The following SLC17A5 variants were observed in gnomAD, a reference collection of about 807,000 sequenced individuals.
SLC17A5 encodes the protein solute carrier family 17 member 5.
SLC17A5 carries 47 observed loss-of-function variants against 59.4 expected under a neutral mutation model. The ratio of observed to expected loss-of-function variants is 0.79; its 90% CI spans 0.63 to 1.01. The LOEUF is 1.01. SLC17A5 is among the 50% of genes least tolerant of loss of function. The probability of loss-of-function intolerance (pLI) is 0.00; values close to 1 mark genes in which losing one functional copy is unlikely to be tolerated. For missense variants in SLC17A5, 522 were observed against 595.5 expected, an observed-to-expected ratio of 0.88 and a Z score of 1.28; for synonymous variants, 202 against 210.7, an observed-to-expected ratio of 0.96 and a Z score of 0.36.
chr6:73,625,791 C>T (rs1228017540), intron 6 of SLC17A5, among the ~76,000 whole-genome samples: 1 of 152,104 alleles, frequency 6.6e-6, no homozygotes, highest in East Asian at 1.9e-4. Context: ...AACACTGAGA[C>T]CAAGGTCACA....
rs1769291251 is a variant in SLC17A5 at position 73,641,682 on chromosome 6, G to C, written c.525+9C>G. 6.3e-7 allele frequency: 1 copy of C among 1,576,808 alleles called. No homozygotes were observed. The highest frequency in any genetic ancestry group is 8.7e-7 in the Non-Finnish European group (1 of 1,153,098). On this transcript the variant is annotated intron_variant, in intron 3 of 10. Transcript: ENST00000355773. ...GTAAGAAGTAAAACAAGAGAGAAAA[G>C]AAAATTACCTCTCCTAGTCCTTCTA... is the stretch of plus-strand genomic sequence containing the variant.
At chr6:73,597,742 C>T (rs1252636508) in intron 10 of SLC17A5, among the ~76,000 whole-genome samples, 1 of 150,594 alleles carries the variant, frequency 6.6e-6, no homozygotes, top group African/African-American at 2.4e-5. Flanking sequence ...GCCATGATTG[C>T]GCCACTGCAC....
chr6:73,625,652 A>G (rs1768374573), intron 6 of SLC17A5, among the ~76,000 whole-genome samples: 1 of 147,148 alleles, frequency 6.8e-6, no homozygotes, highest in Non-Finnish European at 1.5e-5. Flanking sequence ...AAACAAAAAC[A>G]AGTAAGGCAA....
intron 6 of SLC17A5, among the ~76,000 whole-genome samples, chr6:73,625,308 T>TG (rs1280395388): frequency 4.6e-5 from 7 of 152,126 alleles, no homozygotes; most frequent in African/African-American, 7.2e-5. Context: ...TGCCTCAGCC[T>TG]CCCGAGTAGC....
At chr6:73,619,636 T>G (rs2150096760) in intron 7 of SLC17A5, among the ~76,000 whole-genome samples, 1 of 148,364 alleles carries the variant, frequency 6.7e-6, no homozygotes, top group Admixed American at 6.7e-5. Flanking sequence ...TAGAATTATT[T>G]TCAAACTCTA....
chr6:73,602,729 C>T (rs12212380), intron 9 of SLC17A5, among the ~76,000 whole-genome samples: 2 of 149,580 alleles, frequency 1.3e-5, no homozygotes, highest in Non-Finnish European at 3.0e-5. Flanking sequence ...GAGCAGAGAT[C>T]GCGCCACTGC....
intron 8 of SLC17A5, among the ~76,000 whole-genome samples, chr6:73,614,764 C>T (rs1480870701): frequency 2.6e-5 from 4 of 152,172 alleles, no homozygotes; most frequent in Non-Finnish European, 5.9e-5. Context: ...GGTGGTGTTC[C>T]AGGAGAGGGC....
rs1027607225 is a variant in SLC17A5 at position 73,597,800 on chromosome 6, C to G, written c.1350+2551G>C. 5.1e-4 allele frequency among the ~76,000 whole-genome samples: 78 copies of G among 151,842 alleles called. 1 individual carries two copies. Among genetic ancestry groups the G allele is most frequent in the Non-Finnish European group, 1.1e-3 (73 of 67,952 alleles). ...CTGTCTCAAAAAACAAAGAAACAAA[C>G]AAACAAACAAAAAACCCAAACAAAC... On this transcript the variant is annotated intron_variant, in intron 10 of 10. Coordinates refer to ENST00000355773, the MANE Select transcript of SLC17A5 (RefSeq NM_012434.5).
At chr6:73,603,804 A>C (rs1581957799) in intron 9 of SLC17A5, among the ~76,000 whole-genome samples, 3 of 152,106 alleles carry the variant, frequency 2.0e-5, no homozygotes, top group Admixed American at 2.0e-4. Flanking sequence ...CTTAGGTATC[A>C]TTTCACATAA....
At chr6:73,646,663 A>G (rs1769581720) in intron 1 of SLC17A5, among the ~76,000 whole-genome samples, 1 of 150,792 alleles carries the variant, frequency 6.6e-6, no homozygotes, top group African/African-American at 2.5e-5. Context: ...AAAAAAACAC[A>G]TTTTCTTTTT....
chr6:73,639,487 A>G (rs867475145), intron 3 of SLC17A5, among the ~76,000 whole-genome samples: 1 of 152,240 alleles, frequency 6.6e-6, no homozygotes, highest in Admixed American at 6.5e-5. Context: ...TTGCAAATCA[A>G]TAAGAATCTA....
intron 8 of SLC17A5, among the ~76,000 whole-genome samples, chr6:73,610,810 G>A (rs947802584): frequency 1.8e-4 from 27 of 152,320 alleles, no homozygotes; most frequent in African/African-American, 6.0e-4. Context: ...ATTCCATGGT[G>A]TTAGAGAAGA....
At chr6:73,608,976 C>T (rs1268667918) in intron 9 of SLC17A5, among the ~76,000 whole-genome samples, 3 of 152,238 alleles carry the variant, frequency 2.0e-5, no homozygotes, top group African/African-American at 7.2e-5. Context: ...ACTACAGTGG[C>T]GTCACTGCAC....
intron 7 of SLC17A5, among the ~76,000 whole-genome samples, chr6:73,621,000 A>ATTTTTTATTATT (rs35762085): frequency 2.7e-3 from 400 of 150,298 alleles, no homozygotes; most frequent in Admixed American, 3.5e-3. Flanking sequence ...TGCTGGGATT[A>ATTTTTTATTATT]ATTATTATTA....
chr6:73,611,272 G>A (rs1267651456), intron 8 of SLC17A5, among the ~76,000 whole-genome samples: 2 of 152,006 alleles, frequency 1.3e-5, no homozygotes, highest in African/African-American at 2.4e-5. Flanking sequence ...TAAAATCTCT[G>A]TCTTCATTCT....
Position 73,641,687 on chromosome 6 carries a change from T to C in SLC17A5, c.525+4A>G, listed in dbSNP as rs747192705. 3.8e-6 allele frequency: 6 copies of C among 1,585,240 alleles called. No homozygotes were observed. Among genetic ancestry groups the C allele is most frequent in the African/African-American group, 2.7e-5 (2 of 74,012 alleles). ...AAGTAAAACAAGAGAGAAAAGAAAA[T>C]TACCTCTCCTAGTCCTTCTAGTGCT... On this transcript the variant is annotated splice_donor_region_variant and intron_variant, in intron 3 of 10. Coordinates refer to ENST00000355773, the MANE Select transcript of SLC17A5 (RefSeq NM_012434.5).
chr6:73,619,860 T>C (rs1282756311), intron 7 of SLC17A5, among the ~76,000 whole-genome samples: 1 of 151,870 alleles, frequency 6.6e-6, no homozygotes, highest in Admixed American at 6.6e-5. Context: ...ATCAGTGTAG[T>C]AATCTTTAAA....
At chr6:73,639,322 T>C (rs1769168130) in intron 3 of SLC17A5, among the ~76,000 whole-genome samples, 1 of 152,178 alleles carries the variant, frequency 6.6e-6, no homozygotes. Flanking sequence ...GGTTGCATAA[T>C]TGTTGTAAAG....
Position 73,610,388 on chromosome 6 carries a change from A to G in SLC17A5, c.1259+12T>C, listed in dbSNP as rs779452714. On this transcript the variant is annotated intron_variant, in intron 9 of 10. Transcript: ENST00000355773. ...AAAGTCAATCACAGCAAATCTTTATATTAGTACTCACGAAGGAGCAATATC... is the reference window on the plus strand; with the variant it reads ...AAAGTCAATCACAGCAAATCTTTATGTTAGTACTCACGAAGGAGCAATATC... 4 of 1,613,650 alleles carry G rather than the reference A, an allele frequency of 2.5e-6. No homozygotes were observed. In the South Asian group the frequency reaches 4.4e-5, roughly 18 times the overall value.
Sources: gnomAD v4.1 joint callset for allele counts (sites outside exome capture counted in the v4.1 genomes callset) on GRCh38, gnomAD v4.1.1 for gene constraint, MANE v1.5 for transcripts, NCBI Gene and HGNC (gene_info 2026-07-23, HGNC 2026-07-21) for gene names.